KCNMA1: variants seen among roughly 807,000 people sequenced by gnomAD.
The protein encoded by KCNMA1 is potassium calcium-activated channel subfamily M alpha 1.
A neutral mutation model predicts 140.0 loss-of-function variants in KCNMA1; 29 were observed. That is an observed-to-expected ratio of 0.21 (90% CI 0.15 to 0.28). KCNMA1 has a LOEUF of 0.28. Among genes scored for constraint, KCNMA1 ranks in the 10% least tolerant of loss-of-function variants. KCNMA1 has a pLI of 1.00. For missense variants in KCNMA1, 880 were observed against 1,602.2 expected (o/e 0.55, Z 7.70); for synonymous variants, 612 against 611.9 (o/e 1.00, Z 0.00).
At chr10:76,919,088 G>A (rs2054247694) in intron 23 of KCNMA1, among the ~76,000 whole-genome samples, 1 of 152,120 alleles carries the variant, frequency 6.6e-6, no homozygotes, top group African/African-American at 2.4e-5. Context: ...GTTCTCACTG[G>A]TATGTGGGAG....
intron 3 of KCNMA1, among the ~76,000 whole-genome samples, chr10:77,239,401 T>C (rs1464042901): frequency 6.6e-6 from 1 of 152,176 alleles, no homozygotes; most frequent in African/African-American, 2.4e-5. Flanking sequence ...AGCGGGTGTA[T>C]GGAAATTCCA....
At chr10:77,276,570 G>A (rs1235649434) in intron 2 of KCNMA1, among the ~76,000 whole-genome samples, 1 of 152,140 alleles carries the variant, frequency 6.6e-6, no homozygotes, top group Non-Finnish European at 1.5e-5. Flanking sequence ...TGGATGTGAA[G>A]TTACCAACAC....
intron 1 of KCNMA1, among the ~76,000 whole-genome samples, chr10:77,600,708 T>C (rs1603638164): frequency 6.6e-6 from 1 of 151,904 alleles, no homozygotes; most frequent in Non-Finnish European, 1.5e-5. Context: ...GGTCACGCCA[T>C]TGCACTGCAG....
rs1184689146 is a variant in KCNMA1, at chr10:76,970,078, A to G, written c.2267-11T>C. 2 of 1,609,248 alleles carry G rather than the reference A, an allele frequency of 1.2e-6. No individual in the cohort carries two copies. Among genetic ancestry groups the G allele is most frequent in the Non-Finnish European group, 1.7e-6 (2 of 1,175,630 alleles). Reference sequence around the variant, plus strand: ...GCTGCTCATCTTCAACTGGAAATACAGGCAGCTCATGAGATTATGAACAGT... The same window carrying G: ...GCTGCTCATCTTCAACTGGAAATACGGGCAGCTCATGAGATTATGAACAGT... On this transcript the variant is annotated splice_polypyrimidine_tract_variant and intron_variant, in intron 19 of 27. Coordinates refer to ENST00000286628, the MANE Select transcript of KCNMA1 (RefSeq NM_001161352.2).
chr10:76,943,202 C>A (rs754541201), intron 23 of KCNMA1, among the ~76,000 whole-genome samples: 18 of 152,298 alleles, frequency 1.2e-4, no homozygotes, highest in Admixed American at 5.9e-4. Flanking sequence ...GCACAGGATG[C>A]GGGCTCTACC....
intron 1 of KCNMA1, among the ~76,000 whole-genome samples, chr10:77,541,268 T>C (rs1366711447): frequency 6.6e-6 from 1 of 152,056 alleles, no homozygotes; most frequent in East Asian, 1.9e-4. Flanking sequence ...AAAATTCAAT[T>C]ATTTGATGAT....
chr10:77,030,042 G>A (rs568931021), intron 15 of KCNMA1, among the ~76,000 whole-genome samples: 3 of 152,344 alleles, frequency 2.0e-5, no homozygotes, highest in South Asian at 2.1e-4. Context: ...TGCTGCTGAA[G>A]GCCTCATGCT....
intron 2 of KCNMA1, among the ~76,000 whole-genome samples, chr10:77,357,841 T>C (rs1368868098): frequency 6.6e-6 from 1 of 152,144 alleles, no homozygotes; most frequent in East Asian, 1.9e-4. Context: ...TGTAAGCTGG[T>C]GAAATGCAGA....
At chr10:77,125,165 G>A (rs960723021) in intron 5 of KCNMA1, among the ~76,000 whole-genome samples, 1 of 152,076 alleles carries the variant, frequency 6.6e-6, no homozygotes, top group African/African-American at 2.4e-5. Flanking sequence ...ATTTGGGTAG[G>A]GACACAGCCA....
chr10:77,208,113 A>G (rs1437026312), intron 3 of KCNMA1, among the ~76,000 whole-genome samples: 2 of 152,222 alleles, frequency 1.3e-5, no homozygotes, highest in African/African-American at 4.8e-5. Flanking sequence ...GGAATGCCAC[A>G]CTGTTGCAAA....
chr10:77,130,608 G>C (rs1251881668), intron 5 of KCNMA1, among the ~76,000 whole-genome samples: 1 of 152,028 alleles, frequency 6.6e-6, no homozygotes, highest in Non-Finnish European at 1.5e-5. Context: ...GTTAAACATA[G>C]CAGATGGATC....
chr10:77,194,673 C>G (rs1435685517), intron 3 of KCNMA1, among the ~76,000 whole-genome samples: 1 of 151,928 alleles, frequency 6.6e-6, no homozygotes, highest in East Asian at 1.9e-4. Context: ...CAGCCAGTAG[C>G]CTAAGAGGTC....
intron 1 of KCNMA1, among the ~76,000 whole-genome samples, chr10:77,427,716 C>CTTTTTT (rs1566785142): frequency 3.7e-4 from 23 of 61,356 alleles, no homozygotes; most frequent in Non-Finnish European, 5.7e-4. Context: ...AGCATCCATC[C>CTTTTTT]ATTCATTTAT....
intron 20 of KCNMA1, among the ~76,000 whole-genome samples, chr10:76,968,020 C>T (rs1011070544): frequency 3.3e-5 from 5 of 152,094 alleles, no homozygotes; most frequent in African/African-American, 1.2e-4. Flanking sequence ...GGCCTTCGGG[C>T]AGAAAGTCCT....
At chr10:77,572,487 T>C (rs2071796965) in intron 1 of KCNMA1, among the ~76,000 whole-genome samples, 1 of 145,066 alleles carries the variant, frequency 6.9e-6, no homozygotes, top group African/African-American at 2.6e-5. Context: ...GAGGCTGATA[T>C]GTCTGGATCA....
intron 1 of KCNMA1, among the ~76,000 whole-genome samples, chr10:77,511,428 G>A (rs2048345186): frequency 6.6e-6 from 1 of 152,210 alleles, no homozygotes. Context: ...TTTCATAGTA[G>A]TTAAGAAAAT....
At chr10:77,616,907 G>C (rs1051349808) in intron 1 of KCNMA1, among the ~76,000 whole-genome samples, 1 of 152,124 alleles carries the variant, frequency 6.6e-6, no homozygotes, top group African/African-American at 2.4e-5. Context: ...GCATGCAGAG[G>C]TGAAGTGGCT....
chr10:77,127,104 A>T (rs1041411672), intron 5 of KCNMA1, among the ~76,000 whole-genome samples: 3 of 74,608 alleles, frequency 4.0e-5, no homozygotes, highest in Non-Finnish European at 8.5e-5. Flanking sequence ...ACACACACAC[A>T]CACACACACA....
chr10:77,466,838 G>A (rs2098029088), intron 1 of KCNMA1, among the ~76,000 whole-genome samples: 1 of 151,622 alleles, frequency 6.6e-6, no homozygotes, highest in African/African-American at 2.4e-5. Flanking sequence ...GTCCATGAGG[G>A]AGGCAGGTTA....
Sources: allele counts gnomAD v4.1 joint callset (sites outside exome capture counted in the v4.1 genomes callset), GRCh38; gene constraint gnomAD v4.1.1; transcripts MANE v1.5; gene names NCBI Gene and HGNC (gene_info 2026-07-23, HGNC 2026-07-21).